The following TRPM3 variants were observed in gnomAD, a reference collection of about 807,000 sequenced individuals.
The protein encoded by TRPM3 is transient receptor potential cation channel subfamily M member 3, also known as long transient receptor potential channel 3.
Under a neutral mutation model 181.2 loss-of-function variants are expected in TRPM3, and 77 were observed. That is an observed-to-expected ratio of 0.42 (90% CI 0.35 to 0.51). The LOEUF is 0.51. TRPM3 is among the 20% of genes least tolerant of loss of function. The pLI is 0.01. For missense variants in TRPM3, 1,759 were observed against 2,196.7 expected (o/e 0.80, Z 3.98); for synonymous variants, 745 against 796.4 (o/e 0.94, Z 1.09).
intron 1 of TRPM3, among the ~76,000 whole-genome samples, chr9:71,439,682 A>G (rs1302945536): frequency 6.6e-6 from 1 of 152,162 alleles, no homozygotes. Flanking sequence ...ATTTTAAGAC[A>G]TTTTATTTAT....
At chr9:71,348,165 CAG>C (rs1450808206) in intron 1 of TRPM3, among the ~76,000 whole-genome samples, 1 of 152,128 alleles carries the variant, frequency 6.6e-6, no homozygotes, top group Admixed American at 6.6e-5. Flanking sequence ...TACACATACA[CAG>C]AGACACATTT....
At chr9:70,979,410 G>A (rs1044267244) in intron 1 of TRPM3, among the ~76,000 whole-genome samples, 2 of 152,150 alleles carry the variant, frequency 1.3e-5, no homozygotes, top group Non-Finnish European at 2.9e-5. Context: ...TCATTCTACT[G>A]CATTAGAGGA....
chr9:70,659,953 T>C (rs1231172384), intron 9 of TRPM3, among the ~76,000 whole-genome samples: 1 of 152,196 alleles, frequency 6.6e-6, no homozygotes, highest in Admixed American at 6.5e-5. Context: ...TTTTCCAAGA[T>C]TGTTCTTTTG....
intron 7 of TRPM3, among the ~76,000 whole-genome samples, chr9:70,772,567 C>A (rs895540521): frequency 1.3e-5 from 2 of 152,168 alleles, no homozygotes; most frequent in African/African-American, 4.8e-5. Flanking sequence ...AAGGGATCCA[C>A]CTGCCTCGGC....
At chr9:70,974,117 TTC>T (rs1271241599) in intron 1 of TRPM3, among the ~76,000 whole-genome samples, 1 of 152,248 alleles carries the variant, frequency 6.6e-6, no homozygotes, top group Admixed American at 6.5e-5. Flanking sequence ...TTTGAAGGAA[TTC>T]TTTCTCTTTG....
chr9:71,234,622 T>C (rs1204545102), intron 1 of TRPM3, among the ~76,000 whole-genome samples: 1 of 152,216 alleles, frequency 6.6e-6, no homozygotes, highest in African/African-American at 2.4e-5. Context: ...TCTGTGTTTC[T>C]GTATCCTAAT....
At chr9:70,654,489 C>G (rs2060004604) in intron 9 of TRPM3, among the ~76,000 whole-genome samples, 1 of 152,028 alleles carries the variant, frequency 6.6e-6, no homozygotes, top group Non-Finnish European at 1.5e-5. Context: ...GAGGGAGAAA[C>G]TGAGACATAT....
At chr9:71,386,025 CAT>C (rs2092915433) in intron 1 of TRPM3, among the ~76,000 whole-genome samples, 1 of 151,914 alleles carries the variant, frequency 6.6e-6, no homozygotes, top group Non-Finnish European at 1.5e-5. Context: ...AAGATTTAGA[CAT>C]AAAGTCAACA....
chr9:70,618,163 T>A (rs1485182118), intron 17 of TRPM3, among the ~76,000 whole-genome samples: 1 of 152,212 alleles, frequency 6.6e-6, no homozygotes, highest in East Asian at 1.9e-4. Flanking sequence ...AAGCAAACGC[T>A]ATACACCATC....
chr9:70,616,563 A>C (rs1589356222), intron 17 of TRPM3, among the ~76,000 whole-genome samples: 1 of 114,346 alleles, frequency 8.7e-6, no homozygotes, highest in Admixed American at 1.0e-4. Flanking sequence ...GTGTTATCTG[A>C]TTATCTCTGC....
chr9:70,794,839 A>G (rs1416379495), intron 6 of TRPM3, among the ~76,000 whole-genome samples: 1 of 152,232 alleles, frequency 6.6e-6, no homozygotes, highest in African/African-American at 2.4e-5. Flanking sequence ...CTAGAAGGGC[A>G]GAAATGCATC....
intron 1 of TRPM3, among the ~76,000 whole-genome samples, chr9:71,116,284 C>T (rs971586005): frequency 6.6e-6 from 1 of 152,132 alleles, no homozygotes; most frequent in Non-Finnish European, 1.5e-5. Flanking sequence ...AGTACCCTGT[C>T]CAGGCTAAGC....
chr9:71,149,172 G>T (rs543209761), intron 1 of TRPM3, among the ~76,000 whole-genome samples: 12 of 152,234 alleles, frequency 7.9e-5, no homozygotes, highest in African/African-American at 2.6e-4. Context: ...GGCCAAGGTG[G>T]GAAGATCACC....
chr9:70,887,022 A>T (rs2096097906), intron 1 of TRPM3, among the ~76,000 whole-genome samples: 1 of 152,220 alleles, frequency 6.6e-6, no homozygotes, highest in Non-Finnish European at 1.5e-5. Context: ...AAATCAAAAC[A>T]TATGATGAGT....
At chr9:71,339,137 C>T (rs1333583059) in intron 1 of TRPM3, among the ~76,000 whole-genome samples, 2 of 151,998 alleles carry the variant, frequency 1.3e-5, no homozygotes, top group Admixed American at 1.3e-4. Flanking sequence ...CAAAAATGAA[C>T]TTCAAACCCT....
chr9:71,121,690 G>T (rs1010813661), upstream of TRPM3: 8 of 1,052,672 alleles, frequency 7.6e-6, no homozygotes, highest in African/African-American at 6.7e-5. Context: ...CGGGGCCATT[G>T]CTTTGCTAGC....
intron 19 of TRPM3, among the ~76,000 whole-genome samples, chr9:70,607,370 C>CTTA (rs1554776526): frequency 6.6e-6 from 1 of 152,170 alleles, no homozygotes; most frequent in East Asian, 1.9e-4. Context: ...ACTGGCATAC[C>CTTA]TTATTTCCAG....
At chr9:71,096,590 A>ACACACTCTCTCTCTCTCTCTCTCT (rs1452142664) in intron 1 of TRPM3, among the ~76,000 whole-genome samples, 4 of 90,038 alleles carry the variant, frequency 4.4e-5, no homozygotes, top group African/African-American at 2.1e-4. Flanking sequence ...ACACACACAC[A>ACACACTCTCTCTCTCTCTCTCTCT]CTCTCTCTCT....
chr9:71,096,590 A>ACACACACACACTCTCT (rs1452142664), intron 1 of TRPM3, among the ~76,000 whole-genome samples: 4 of 90,042 alleles, frequency 4.4e-5, no homozygotes, highest in African/African-American at 1.5e-4. Flanking sequence ...ACACACACAC[A>ACACACACACACTCTCT]CTCTCTCTCT....
Sources: gnomAD v4.1 joint callset for allele counts (sites outside exome capture counted in the v4.1 genomes callset) on GRCh38, gnomAD v4.1.1 for gene constraint, MANE v1.5 for transcripts, NCBI Gene and HGNC (gene_info 2026-07-23, HGNC 2026-07-21) for gene names.